COL4A3: variants seen among roughly 807,000 people sequenced by gnomAD.
The protein encoded by COL4A3 is collagen alpha-3(IV) chain.
COL4A3 carries 135 observed loss-of-function variants against 217.4 expected under a neutral mutation model. That is an observed-to-expected ratio of 0.62 (90% CI 0.54 to 0.72). The LOEUF is 0.72. COL4A3 is among the 30% of genes least tolerant of loss of function. The pLI is 0.00. For synonymous variants in COL4A3, 690 were observed against 736.3 expected (o/e 0.94, Z 1.02); for missense variants, 1,868 against 2,119.9 (o/e 0.88, Z 2.33).
chr2:227,264,886 G>A lies in COL4A3; in HGVS notation c.1315+942G>A, dbSNP rs527738399. The A allele has an allele frequency of 2.0e-5, 3 of 152,312 alleles. No individual in the cohort carries two copies. The South Asian group carries it at 6.2e-4, about 32-fold the overall frequency. 9.4% of individuals were successfully genotyped at this position (152,312 alleles called of 1,614,324 possible). A position where few individuals can be genotyped will look rare whatever the true frequency, so the allele number is the denominator to read the frequency against. ...TGTGCCTGCTACACTCTGTCCAGGG[G>A]TCTTTGCTTCCTACTTTCCCTTCGC... On this transcript the variant is annotated intron_variant, in intron 21 of 51. Coordinates refer to ENST00000396578, the MANE Select transcript of COL4A3 (RefSeq NM_000091.5).
intron 11 of COL4A3, among the ~76,000 whole-genome samples, chr2:227,252,946 C>G (rs1043243103): frequency 1.3e-5 from 2 of 152,102 alleles, no homozygotes; most frequent in African/African-American, 4.8e-5. Flanking sequence ...ATTTTTAAAA[C>G]AAGAAAACAA....
At chr2:227,287,229 C>T (rs2072386379) in intron 34 of COL4A3, among the ~76,000 whole-genome samples, 1 of 151,398 alleles carries the variant, frequency 6.6e-6, no homozygotes, top group South Asian at 2.1e-4. Context: ...GTCAAGAGAT[C>T]GAGACCATCC....
At chr2:227,170,313 A>C (rs1404789563) in intron 1 of COL4A3, among the ~76,000 whole-genome samples, 1 of 151,864 alleles carries the variant, frequency 6.6e-6, no homozygotes, top group African/African-American at 2.4e-5. Context: ...CCCTTGTATT[A>C]CTGTGCTGAC....
intron 1 of COL4A3, among the ~76,000 whole-genome samples, chr2:227,231,728 C>T (rs1321182010): frequency 6.6e-6 from 1 of 152,186 alleles, no homozygotes; most frequent in Non-Finnish European, 1.5e-5. Flanking sequence ...GATGGGGTTT[C>T]TCCATGTTAC....
At chr2:227,308,652 T>C (rs2073612809) in intron 48 of COL4A3, among the ~76,000 whole-genome samples, 1 of 152,250 alleles carries the variant, frequency 6.6e-6, no homozygotes, top group African/African-American at 2.4e-5. Context: ...AGCCCCCATG[T>C]TCTAAATCGA....
intron 1 of COL4A3, among the ~76,000 whole-genome samples, chr2:227,232,221 G>A (rs758425966): frequency 1.3e-5 from 2 of 152,132 alleles, no homozygotes; most frequent in Non-Finnish European, 1.5e-5. Flanking sequence ...TGATGGACAC[G>A]TAGATTGCTT....
At chr2:227,181,054 G>A (rs11891947) in intron 1 of COL4A3, among the ~76,000 whole-genome samples, 3,010 of 152,194 alleles carry the variant, frequency 0.02, 114 homozygotes, top group African/African-American at 0.068. Context: ...AAATACTGAC[G>A]CTAAAACTCA....
chr2:227,308,425 G>GCCAGACAAAC (rs2073602853), intron 48 of COL4A3, among the ~76,000 whole-genome samples: 1 of 152,056 alleles, frequency 6.6e-6, no homozygotes, highest in African/African-American at 2.4e-5. Flanking sequence ...TGCTGTCAAG[G>GCCAGACAAAC]TTTCTCTCAA....
chr2:227,224,736 CA>C (rs1356975656), intron 1 of COL4A3, among the ~76,000 whole-genome samples: 1 of 144,910 alleles, frequency 6.9e-6, no homozygotes, highest in Non-Finnish European at 1.5e-5. Flanking sequence ...GCCTGGGCAA[CA>C]AAAGTGAAAC....
Position 227,164,881 on chromosome 2 carries a change from CT to C in COL4A3, c.87+69del. On this transcript the variant is annotated intron_variant, in intron 1 of 51. Transcript: ENST00000396578. The surrounding 1 kb of genome is among the most constrained non-coding windows in gnomAD (Gnocchi z 4.8). ...CTCCTCCACGCGTCCGGGGGACGCG[CT>C]GGCCCCACCCGCAGCGGCGCGGTAG... 2.9e-6 allele frequency: 4 copies of C among 1,392,828 alleles called. No homozygotes were observed. Among genetic ancestry groups the C allele is most frequent in the Non-Finnish European group, 3.7e-6 (4 of 1,076,472 alleles). 86.3% of individuals were successfully genotyped at this position (1,392,828 alleles called of 1,614,324 possible).
chr2:227,196,761 C>T (rs1229859741), intron 1 of COL4A3, among the ~76,000 whole-genome samples: 1 of 152,180 alleles, frequency 6.6e-6, no homozygotes, highest in East Asian at 1.9e-4. Flanking sequence ...ACCAATAAAC[C>T]TACATATGGT....
intron 1 of COL4A3, among the ~76,000 whole-genome samples, chr2:227,190,562 T>C (rs1309138383): frequency 1.3e-5 from 2 of 152,198 alleles, no homozygotes; most frequent in African/African-American, 4.8e-5. Flanking sequence ...GTGTATTCTT[T>C]GAGGTTGAAA....
In COL4A3 at chr2:227,295,281, C is replaced by T. The variant is rs1039359574; in HGVS notation, c.3530C>T (p.Ala1177Val). The change falls in exon 41 of 52, where the codon GCC (alanine) becomes GTC (valine). Residue 1177 changes from alanine (A) to valine (V), a missense_variant. Transcript: ENST00000396578. ...TTATCTCTTTCAGGTTTATTGAGGG[C>T]CCCTCCAGGCCCAAGAGGGAACCCT... Reference protein sequence around the residue: ...GEKGETGLLRAPPGPRGNPGA... With the variant: ...GEKGETGLLRVPPGPRGNPGA... 1 of 1,613,798 alleles carries T rather than the reference C, an allele frequency of 6.2e-7. No homozygotes were observed. Among genetic ancestry groups the T allele is most frequent in the African/African-American group, 1.3e-5 (1 of 74,886 alleles).
At position 227,253,061 on chromosome 2, in the gene COL4A3, G is replaced by T. The variant is rs2069882186; in HGVS notation, c.646-235G>T. On this transcript the variant is annotated intron_variant, in intron 11 of 51. Transcript: ENST00000396578. The surrounding 1 kb of genome is among the most constrained non-coding windows in gnomAD (Gnocchi z 4.4). ...GCTCCTTTCCCTCCCCCACACCACT[G>T]CATGTCAGCATTTGCCATGTTAGGT... Among the ~76,000 whole-genome samples, 1 of 152,142 alleles carries T rather than the reference G, an allele frequency of 6.6e-6. No individual in the cohort carries two copies. The highest frequency in any genetic ancestry group is 1.5e-5 in the Non-Finnish European group (1 of 68,038).
rs752254472 is a variant in COL4A3, at chr2:227,304,985, G to A, written c.4154G>A (p.Gly1385Glu). 3 of 1,613,454 alleles carry A rather than the reference G, an allele frequency of 1.9e-6. No individual in the cohort carries two copies. Among genetic ancestry groups the A allele is most frequent in the Middle Eastern group, 3.3e-4 (2 of 6,056 alleles). ...PGPPGPPGNL[G>E]PCGPRGKPGK... Reference sequence around the variant, plus strand: ...CAATACAATGTTGGTTTTTGCCTAGGACCCTGTGGGCCAAGAGGTAAGCCA... The same window carrying A: ...CAATACAATGTTGGTTTTTGCCTAGAACCCTGTGGGCCAAGAGGTAAGCCA... The change falls in exon 47 of 52, where the codon GGA (glycine) becomes GAA (glutamate). Residue 1385 changes from glycine (G) to glutamate (E), a missense_variant and splice_region_variant. Physicochemically the swap from Gly to Glu is moderately conservative, Grantham distance 98. Transcript: ENST00000396578.
chr2:227,227,980 C>A (rs1279428616), intron 1 of COL4A3: 2 of 152,166 alleles, frequency 1.3e-5, no homozygotes, highest in Non-Finnish European at 2.9e-5. Context: ...TTGCATAAGA[C>A]GGGCAAAATT....
At chr2:227,307,370 C>T (rs1413826239) in intron 47 of COL4A3, among the ~76,000 whole-genome samples, 1 of 152,192 alleles carries the variant, frequency 6.6e-6, no homozygotes. Context: ...TCCCCCATCA[C>T]ATTGTAGGAG....
intron 37 of COL4A3, among the ~76,000 whole-genome samples, chr2:227,292,709 T>C (rs1007674250): frequency 6.6e-6 from 1 of 152,262 alleles, no homozygotes; most frequent in Non-Finnish European, 1.5e-5. Flanking sequence ...CATCTTTATT[T>C]AGTCTATTTC....
At chr2:227,174,869 C>T (rs1011497618) in intron 1 of COL4A3, among the ~76,000 whole-genome samples, 5 of 152,128 alleles carry the variant, frequency 3.3e-5, no homozygotes, top group African/African-American at 4.8e-5. Flanking sequence ...AAGACATAGG[C>T]GCTGGGCTAG....
Sources: gnomAD v4.1 joint callset for allele counts (sites outside exome capture counted in the v4.1 genomes callset) on GRCh38, gnomAD v4.1.1 for gene constraint, Gnocchi (gnomAD v3.1) non-coding constraint, MANE v1.5 for transcripts, NCBI Gene and HGNC (gene_info 2026-07-23, HGNC 2026-07-21) for gene names.